PARD3: variants seen among roughly 807,000 people sequenced by gnomAD.
The protein encoded by PARD3 is par-3 family cell polarity regulator.
PARD3 carries 75 observed loss-of-function variants against 155.4 expected under a neutral mutation model. The observed-to-expected ratio is 0.48, with a 90% CI of 0.40 to 0.58. PARD3 has a LOEUF of 0.58. Ranked by LOEUF, PARD3 falls within the 20% of genes least tolerant of loss-of-function variation. The probability of loss-of-function intolerance (pLI) is 0.00; values close to 1 mark genes in which losing one functional copy is unlikely to be tolerated. For synonymous variants in PARD3, 576 were observed against 610.5 expected (o/e 0.94, Z 0.83); for missense variants, 1,642 against 1,721.7 (o/e 0.95, Z 0.82).
chr10:34,286,860 G>A (rs1322579612), intron 20 of PARD3, among the ~76,000 whole-genome samples: 1 of 152,176 alleles, frequency 6.6e-6, no homozygotes, highest in Non-Finnish European at 1.5e-5. Context: ...GCTGGTAATG[G>A]AGGACAGTGA....
intron 2 of PARD3, among the ~76,000 whole-genome samples, chr10:34,586,522 T>C (rs924210608): frequency 6.6e-6 from 1 of 152,184 alleles, no homozygotes; most frequent in African/African-American, 2.4e-5. Context: ...TATTCATCAC[T>C]GAGCCATAAG....
chr10:34,545,581 G>A (rs544608102), intron 2 of PARD3, among the ~76,000 whole-genome samples: 1 of 152,232 alleles, frequency 6.6e-6, no homozygotes, highest in South Asian at 2.1e-4. Flanking sequence ...TTGAGATGGA[G>A]TCTCGCTCTG....
intron 1 of PARD3, among the ~76,000 whole-genome samples, chr10:34,709,856 T>G (rs1288440549): frequency 6.6e-6 from 1 of 152,174 alleles, no homozygotes; most frequent in Admixed American, 6.5e-5. Flanking sequence ...TGTATGATTC[T>G]CTCAGCTACT....
intron 3 of PARD3, among the ~76,000 whole-genome samples, chr10:34,473,015 G>A (rs188162749): frequency 6.6e-6 from 1 of 152,134 alleles, no homozygotes; most frequent in African/African-American, 2.4e-5. Flanking sequence ...ATATGGACTG[G>A]GGGAAAGGGG....
At chr10:34,235,033 T>C (rs1953143612) in intron 22 of PARD3, among the ~76,000 whole-genome samples, 1 of 152,238 alleles carries the variant, frequency 6.6e-6, no homozygotes, top group African/African-American at 2.4e-5. Flanking sequence ...CCTTATCTAT[T>C]TGCCAAAGCA....
At chr10:34,684,820 C>CACACACACACAT (rs1468952308) in intron 2 of PARD3, among the ~76,000 whole-genome samples, 6 of 125,572 alleles carry the variant, frequency 4.8e-5, no homozygotes, top group South Asian at 2.4e-4. Context: ...CACACACACA[C>CACACACACACAT]ACACACACAC....
chr10:34,275,228 T>C (rs1459165294), intron 21 of PARD3, among the ~76,000 whole-genome samples: 2 of 152,220 alleles, frequency 1.3e-5, no homozygotes, highest in Non-Finnish European at 2.9e-5. Context: ...TTGCTTATCT[T>C]GTCATCACCA....
At chr10:34,188,863 C>A (rs1311065649) in intron 22 of PARD3, among the ~76,000 whole-genome samples, 3 of 152,046 alleles carry the variant, frequency 2.0e-5, no homozygotes, top group Non-Finnish European at 4.4e-5. Context: ...CTGACCACAG[C>A]ACTTCTCCCC....
chr10:34,579,066 T>C (rs1224949938), intron 2 of PARD3, among the ~76,000 whole-genome samples: 3 of 152,112 alleles, frequency 2.0e-5, no homozygotes, highest in Non-Finnish European at 4.4e-5. Flanking sequence ...AGTCAGGAGT[T>C]CAAGACCAGC....
chr10:34,185,396 G>C (rs915597824), intron 22 of PARD3, among the ~76,000 whole-genome samples: 1 of 152,104 alleles, frequency 6.6e-6, no homozygotes, highest in Non-Finnish European at 1.5e-5. Context: ...GAGCCAATTT[G>C]TCATACAGAT....
At chr10:34,149,483 G>T (rs1948679097) in intron 22 of PARD3, among the ~76,000 whole-genome samples, 1 of 152,008 alleles carries the variant, frequency 6.6e-6, no homozygotes, top group Non-Finnish European at 1.5e-5. Context: ...ATGACAAATG[G>T]TCATAATGGG....
At chr10:34,244,252 A>G (rs977042156) in intron 22 of PARD3, among the ~76,000 whole-genome samples, 1 of 152,198 alleles carries the variant, frequency 6.6e-6, no homozygotes, top group Non-Finnish European at 1.5e-5. Context: ...TTGAAGTAAG[A>G]TTTTGTTTAC....
intron 20 of PARD3, among the ~76,000 whole-genome samples, chr10:34,294,688 C>T (rs971952027): frequency 5.9e-5 from 9 of 152,060 alleles, no homozygotes; most frequent in African/African-American, 2.2e-4. Context: ...TTTTAAGGCC[C>T]AATAAAGGGC....
At chr10:34,681,759 TA>T in intron 2 of PARD3, among the ~76,000 whole-genome samples, 9 of 22,026 alleles carry the variant, frequency 4.1e-4, no homozygotes, top group African/African-American at 1.7e-3. Context: ...TATATATATA[TA>T]TATATATATT....
intron 2 of PARD3, among the ~76,000 whole-genome samples, chr10:34,675,232 A>T (rs560714320): frequency 6.6e-6 from 1 of 152,288 alleles, no homozygotes; most frequent in South Asian, 2.1e-4. Context: ...CTGAGTTAGC[A>T]TCATTGTTTT....
At chr10:34,776,333 A>G (rs557359533) in intron 1 of PARD3, among the ~76,000 whole-genome samples, 7 of 152,320 alleles carry the variant, frequency 4.6e-5, no homozygotes, top group African/African-American at 1.7e-4. Context: ...ATTACTATTT[A>G]TGTGGCACAG....
chr10:34,734,026 CCA>C (rs1429624035), intron 1 of PARD3, among the ~76,000 whole-genome samples: 1 of 151,398 alleles, frequency 6.6e-6, no homozygotes, highest in Non-Finnish European at 1.5e-5. Flanking sequence ...AAAATTAACC[CCA>C]AACATAACAA....
chr10:34,784,865 CAA>C (rs1332581631), intron 1 of PARD3, among the ~76,000 whole-genome samples: 1 of 152,200 alleles, frequency 6.6e-6, no homozygotes, highest in Non-Finnish European at 1.5e-5. Flanking sequence ...TTCATCAGCG[CAA>C]AACCTCCCTG....
intron 2 of PARD3, among the ~76,000 whole-genome samples, chr10:34,557,314 G>A (rs2134020668): frequency 6.6e-6 from 1 of 152,078 alleles, no homozygotes; most frequent in African/African-American, 2.4e-5. Flanking sequence ...TACAGAATAT[G>A]GTATATGCCT....
Sources: allele counts gnomAD v4.1 joint callset (sites outside exome capture counted in the v4.1 genomes callset), GRCh38; gene constraint gnomAD v4.1.1; transcripts MANE v1.5; gene names NCBI Gene and HGNC (gene_info 2026-07-23, HGNC 2026-07-21).